SUMF1: variants seen among roughly 807,000 people sequenced by gnomAD.
SUMF1 encodes the protein formylglycine-generating enzyme.
In SUMF1, 48 loss-of-function variants were observed where a neutral mutation model predicts 47.6. The ratio of observed to expected loss-of-function variants is 1.01; its 90% CI spans 0.80 to 1.28. The LOEUF is 1.28. Among genes scored for constraint, SUMF1 ranks in the 50% most tolerant of loss-of-function variants. The pLI, the probability that SUMF1 is intolerant of heterozygous loss-of-function variation, is 0.00. For synonymous variants in SUMF1, 230 were observed against 192.1 expected, an observed-to-expected ratio of 1.20 and a Z score of -1.63; for missense variants, 571 against 485.4, an observed-to-expected ratio of 1.18 and a Z score of -1.66.
At chr3:4,300,793 T>A (rs553560694) in intron 8 of SUMF1, among the ~76,000 whole-genome samples, 1 of 152,208 alleles carries the variant, frequency 6.6e-6, no homozygotes, top group East Asian at 1.9e-4. Context: ...ATCCTTTAGT[T>A]CCCACCCCAC....
chr3:4,057,216 G>C (rs1695208430), intron 9 of SUMF1, among the ~76,000 whole-genome samples: 1 of 152,140 alleles, frequency 6.6e-6, no homozygotes, highest in African/African-American at 2.4e-5. Context: ...ATTAAAAGCT[G>C]TCACTGAGAG....
intron 8 of SUMF1, among the ~76,000 whole-genome samples, chr3:4,228,701 A>G (rs183246548): frequency 9.9e-4 from 150 of 152,212 alleles, no homozygotes; most frequent in Non-Finnish European, 1.7e-3. Flanking sequence ...AAGGTCCCAA[A>G]TCCTAAAAAC....
At chr3:4,268,499 C>CT (rs61066874) in intron 8 of SUMF1, among the ~76,000 whole-genome samples, 4,751 of 117,254 alleles carry the variant, frequency 0.041, 249 homozygotes, top group African/African-American at 0.12. Context: ...AAATGTTTTT[C>CT]TTTTTTTTTT....
chr3:4,142,040 T>C (rs1452359348), intron 8 of SUMF1, among the ~76,000 whole-genome samples: 1 of 152,162 alleles, frequency 6.6e-6, no homozygotes, highest in Non-Finnish European at 1.5e-5. Flanking sequence ...GCATGAATGA[T>C]TTTGATATGT....
At chr3:4,206,418 T>G (rs1275181469) in intron 8 of SUMF1, among the ~76,000 whole-genome samples, 2 of 152,132 alleles carry the variant, frequency 1.3e-5, no homozygotes, top group African/African-American at 4.8e-5. Flanking sequence ...TCCCCTCCAG[T>G]GAGGGCTGGT....
intron 8 of SUMF1, chr3:4,303,248 C>T (rs1698018124): frequency 2.7e-6 from 3 of 1,103,976 alleles, no homozygotes; most frequent in Admixed American, 8.0e-5. Context: ...GCCTTCCAGG[C>T]CACTCCTGAG....
In SUMF1 at chr3:4,313,274, T is replaced by C. The variant is rs1316326056; in HGVS notation, c.1014+63056A>G. Reference sequence around the variant, plus strand: ...GGTGAGGTTTTAGGATTCTCTGAAGTTCAGAGAAGAATTCACTTACAAACA... The same window carrying C: ...GGTGAGGTTTTAGGATTCTCTGAAGCTCAGAGAAGAATTCACTTACAAACA... On this transcript the variant is annotated intron_variant and NMD_transcript_variant, in intron 8 of 12. Coordinates refer to the SUMF1 transcript ENST00000448413. The C allele has an allele frequency of 1.5e-5, 25 of 1,613,832 alleles. No homozygotes were observed. The highest frequency in any genetic ancestry group is 2.1e-5 in the Non-Finnish European group (25 of 1,179,946).
intron 8 of SUMF1, among the ~76,000 whole-genome samples, chr3:4,366,751 G>C (rs6781675): frequency 0.15 from 22,211 of 152,098 alleles, 3,846 homozygotes; most frequent in African/African-American, 0.41. Flanking sequence ...TTGTTCCATT[G>C]CTGGTGAGGA....
chr3:4,170,925 T>A (rs2125123325), intron 8 of SUMF1, among the ~76,000 whole-genome samples: 1 of 152,236 alleles, frequency 6.6e-6, no homozygotes, highest in South Asian at 2.1e-4. Flanking sequence ...GAACTACATG[T>A]CAACATTTTT....
At chr3:4,107,393 C>T (rs932080598) in intron 8 of SUMF1, among the ~76,000 whole-genome samples, 1 of 152,106 alleles carries the variant, frequency 6.6e-6, no homozygotes, top group African/African-American at 2.4e-5. Flanking sequence ...AGAGAGGCAG[C>T]TATCACTGAG....
At chr3:4,037,354 A>G (rs1307754145) in intron 9 of SUMF1, among the ~76,000 whole-genome samples, 3 of 152,118 alleles carry the variant, frequency 2.0e-5, no homozygotes, top group Non-Finnish European at 4.4e-5. Flanking sequence ...ATCCACCTCC[A>G]CTTTTAACCC....
chr3:4,417,877 G>C (rs1042996290), intron 5 of SUMF1, 133 bp downstream of exon 5: 1 of 1,507,194 alleles, frequency 6.6e-7, no homozygotes, highest in Non-Finnish European at 9.1e-7. Flanking sequence ...AAGTAATTTC[G>C]TGGAAAAATA....
intron 7 of SUMF1, among the ~76,000 whole-genome samples, chr3:4,385,812 G>A (rs1406842194): frequency 1.3e-5 from 2 of 152,150 alleles, no homozygotes; most frequent in African/African-American, 4.8e-5. Context: ...TATGTAAGGT[G>A]TGAGACTAAG....
At chr3:4,451,909 G>A (rs530586161) in intron 2 of SUMF1, among the ~76,000 whole-genome samples, 60 of 152,040 alleles carry the variant, frequency 3.9e-4, no homozygotes, top group African/African-American at 1.4e-3. Flanking sequence ...GGTCTCGATC[G>A]CCTGACCTCG....
intron 8 of SUMF1, among the ~76,000 whole-genome samples, chr3:4,341,415 G>T (rs921044511): frequency 1.3e-5 from 2 of 152,058 alleles, no homozygotes; most frequent in African/African-American, 4.8e-5. Context: ...GCTTTAACTT[G>T]TAAGATTTAG....
At chr3:4,316,452 A>T (rs577842706) in intron 8 of SUMF1, 2 of 1,602,934 alleles carry the variant, frequency 1.2e-6, no homozygotes, top group Middle Eastern at 1.7e-4. Context: ...GAGAGCAATC[A>T]TCGAAGCTGA....
intron 8 of SUMF1, among the ~76,000 whole-genome samples, chr3:4,277,404 T>G (rs1697441257): frequency 6.6e-6 from 1 of 152,062 alleles, no homozygotes; most frequent in Non-Finnish European, 1.5e-5. Flanking sequence ...TACAACTATT[T>G]GGATCAAAGG....
intron 9 of SUMF1, among the ~76,000 whole-genome samples, chr3:4,054,227 C>A (rs1438071952): frequency 6.6e-6 from 1 of 152,114 alleles, no homozygotes; most frequent in Admixed American, 6.6e-5. Context: ...TATATGAGCA[C>A]AATTTCAACA....
At chr3:4,280,053 T>G (rs2125044714) in intron 8 of SUMF1, among the ~76,000 whole-genome samples, 1 of 152,226 alleles carries the variant, frequency 6.6e-6, no homozygotes, top group African/African-American at 2.4e-5. Flanking sequence ...ACAATTCCAG[T>G]TTTGAAAACC....
Sources: gnomAD v4.1 joint callset for allele counts (sites outside exome capture counted in the v4.1 genomes callset) on GRCh38, gnomAD v4.1.1 for gene constraint, MANE v1.5 for transcripts, NCBI Gene and HGNC (gene_info 2026-07-23, HGNC 2026-07-21) for gene names.